The following DOK6 variants were observed in gnomAD, a reference collection of about 807,000 sequenced individuals.
DOK6 encodes downstream of tyrosine kinase 6.
A neutral mutation model predicts 44.0 loss-of-function variants in DOK6; 22 were observed. The observed-to-expected ratio is 0.50, with a 90% CI of 0.36 to 0.71. DOK6 has a LOEUF of 0.71. Among genes scored for constraint, DOK6 ranks in the 30% least tolerant of loss-of-function variants. DOK6 has a pLI of 0.00. For missense variants in DOK6, 340 were observed against 416.4 expected (o/e 0.82, Z 1.60); for synonymous variants, 166 against 145.5 (o/e 1.14, Z -1.01).
At chr18:69,774,030 A>G (rs935743652) in intron 7 of DOK6, among the ~76,000 whole-genome samples, 3 of 148,192 alleles carry the variant, frequency 2.0e-5, no homozygotes, top group African/African-American at 7.4e-5. Flanking sequence ...TCAGTCAATG[A>G]GTGGATAAAG....
intron 7 of DOK6, among the ~76,000 whole-genome samples, chr18:69,816,491 T>C (rs1981402589): frequency 6.6e-6 from 1 of 152,186 alleles, no homozygotes; most frequent in Non-Finnish European, 1.5e-5. Flanking sequence ...AGAGACTATG[T>C]TTTCAGACCA....
At chr18:69,644,250 A>T (rs1344414107) in intron 3 of DOK6, among the ~76,000 whole-genome samples, 1 of 152,034 alleles carries the variant, frequency 6.6e-6, no homozygotes, top group African/African-American at 2.4e-5. Flanking sequence ...TACAGAGCAA[A>T]AGTTTTTAAT....
chr18:69,638,987 G>C (rs1599235282), intron 3 of DOK6, among the ~76,000 whole-genome samples: 2 of 152,180 alleles, frequency 1.3e-5, no homozygotes, highest in Middle Eastern at 3.4e-3. Context: ...AGGTCTTTTT[G>C]TTTTTTCTTT....
At chr18:69,684,660 G>A (rs1247691139) in intron 4 of DOK6, among the ~76,000 whole-genome samples, 1 of 152,120 alleles carries the variant, frequency 6.6e-6, no homozygotes, top group African/African-American at 2.4e-5. Context: ...GAGGTCAAGT[G>A]GGTAGTGACA....
intron 5 of DOK6, among the ~76,000 whole-genome samples, chr18:69,708,176 A>C (rs1026107488): frequency 2.6e-5 from 4 of 152,238 alleles, no homozygotes; most frequent in Non-Finnish European, 5.9e-5. Flanking sequence ...TAATGTAGCA[A>C]GTAAACAGAT....
chr18:69,426,307 A>C (rs1185042998), intron 1 of DOK6, among the ~76,000 whole-genome samples: 1 of 152,118 alleles, frequency 6.6e-6, no homozygotes, highest in Admixed American at 6.5e-5. Context: ...CTAATCCTTT[A>C]CTTTGTCATT....
At chr18:69,561,781 C>T (rs1423499373) in intron 1 of DOK6, among the ~76,000 whole-genome samples, 2 of 152,038 alleles carry the variant, frequency 1.3e-5, no homozygotes, top group Non-Finnish European at 2.9e-5. Context: ...TACGGATATG[C>T]TTGGTTGTTC....
intron 2 of DOK6, among the ~76,000 whole-genome samples, chr18:69,572,355 G>A (rs943537470): frequency 2.6e-5 from 4 of 152,094 alleles, no homozygotes; most frequent in African/African-American, 9.7e-5. Context: ...TGCAGTTCAT[G>A]GAGATGAGGA....
intron 5 of DOK6, among the ~76,000 whole-genome samples, chr18:69,699,494 TG>T (rs1302071857): frequency 1.3e-5 from 2 of 152,024 alleles, no homozygotes; most frequent in East Asian, 3.8e-4. Flanking sequence ...ACAAAAAACC[TG>T]AGCTGGAGTA....
intron 1 of DOK6, among the ~76,000 whole-genome samples, chr18:69,467,086 A>G (rs529154946): frequency 2.2e-4 from 34 of 152,284 alleles, no homozygotes; most frequent in African/African-American, 7.7e-4. Context: ...TTTTGTAAGG[A>G]TCAATTCTGT....
At chr18:69,840,561 G>C (rs904547643) in intron 7 of DOK6, among the ~76,000 whole-genome samples, 1 of 152,218 alleles carries the variant, frequency 6.6e-6, no homozygotes, top group Non-Finnish European at 1.5e-5. Context: ...CAGGGGTGCA[G>C]CTGAACAACC....
intron 1 of DOK6, among the ~76,000 whole-genome samples, chr18:69,475,262 G>A (rs1980228353): frequency 6.6e-6 from 1 of 152,174 alleles, no homozygotes; most frequent in South Asian, 2.1e-4. Context: ...AGTAAAGTTG[G>A]AAAAACAAAA....
At chr18:69,830,540 C>T (rs185190580) in intron 7 of DOK6, among the ~76,000 whole-genome samples, 144 of 152,310 alleles carry the variant, frequency 9.5e-4, no homozygotes, top group Non-Finnish European at 1.5e-3. Flanking sequence ...AGCAACCCTG[C>T]CAACACCTTG....
At chr18:69,594,009 T>G (rs986693803) in intron 2 of DOK6, among the ~76,000 whole-genome samples, 1 of 152,166 alleles carries the variant, frequency 6.6e-6, no homozygotes, top group Non-Finnish European at 1.5e-5. Flanking sequence ...TGTAATAAAA[T>G]TTGTTGTAAA....
chr18:69,647,922 C>T (rs992739554), intron 3 of DOK6, among the ~76,000 whole-genome samples: 14 of 152,110 alleles, frequency 9.2e-5, no homozygotes, highest in African/African-American at 3.4e-4. Flanking sequence ...CTAGTGAAGG[C>T]TGCAGTTTTA....
At chr18:69,459,355 T>A (rs552573478) in intron 1 of DOK6, among the ~76,000 whole-genome samples, 1 of 152,246 alleles carries the variant, frequency 6.6e-6, no homozygotes, top group East Asian at 1.9e-4. Flanking sequence ...GCTTGTTTCT[T>A]ATTTAAAATC....
intron 3 of DOK6, among the ~76,000 whole-genome samples, chr18:69,672,676 G>A (rs1985831107): frequency 1.7e-5 from 2 of 116,304 alleles, no homozygotes; most frequent in South Asian, 3.0e-4. Context: ...GTTTTAACTG[G>A]TTTCTTGTCT....
At chr18:69,443,264 G>A (rs78969623) in intron 1 of DOK6, among the ~76,000 whole-genome samples, 9,653 of 152,174 alleles carry the variant, frequency 0.063, 463 homozygotes, top group Non-Finnish European at 0.097. Flanking sequence ...ACCTGATGAA[G>A]GCATAGCTCC....
intron 1 of DOK6, among the ~76,000 whole-genome samples, chr18:69,446,467 T>C (rs1002314676): frequency 1.3e-5 from 2 of 152,076 alleles, no homozygotes; most frequent in African/African-American, 4.8e-5. Context: ...TTTTGGACAT[T>C]TGGGTTGGTT....
Sources: allele counts gnomAD v4.1 joint callset (sites outside exome capture counted in the v4.1 genomes callset), GRCh38; gene constraint gnomAD v4.1.1; transcripts MANE v1.5; gene names NCBI Gene and HGNC (gene_info 2026-07-23, HGNC 2026-07-21).